KLHL1: variants seen among roughly 807,000 people sequenced by gnomAD.
KLHL1 encodes kelch like family member 1, also known as kelch-like protein 1.
Under a neutral mutation model 77.7 loss-of-function variants are expected in KLHL1, and 47 were observed. The observed-to-expected ratio is 0.60, with a 90% CI of 0.48 to 0.77. The LOEUF is 0.77. Ranked by LOEUF, KLHL1 falls within the 30% of genes least tolerant of loss-of-function variation. KLHL1 has a pLI of 0.00. For synonymous variants in KLHL1, 360 were observed against 325.2 expected (o/e 1.11, Z -1.15); for missense variants, 925 against 910.8 (o/e 1.02, Z -0.20).
intron 1 of KLHL1, among the ~76,000 whole-genome samples, chr13:69,977,219 G>A (rs1884569560): frequency 6.6e-6 from 1 of 152,016 alleles, no homozygotes; most frequent in African/African-American, 2.4e-5. Context: ...AACAGAAACA[G>A]TCTCCCAGTT....
At chr13:69,995,439 T>C (rs1243717620) in intron 1 of KLHL1, among the ~76,000 whole-genome samples, 2 of 152,118 alleles carry the variant, frequency 1.3e-5, no homozygotes, top group African/African-American at 2.4e-5. Context: ...GAAATCTGCA[T>C]TGAGTCATCA....
intron 5 of KLHL1, among the ~76,000 whole-genome samples, chr13:69,863,302 A>G (rs1880242586): frequency 1.3e-5 from 2 of 152,248 alleles, no homozygotes; most frequent in South Asian, 4.1e-4. Context: ...ATACTAGGAA[A>G]TGTTCTAAAC....
chr13:70,009,943 G>T (rs1885491758), intron 1 of KLHL1, among the ~76,000 whole-genome samples: 1 of 150,850 alleles, frequency 6.6e-6, no homozygotes, highest in Admixed American at 6.6e-5. Flanking sequence ...AGATACCATT[G>T]TATAATAAAG....
chr13:69,771,276 C>CAAA (rs59252203), intron 7 of KLHL1, among the ~76,000 whole-genome samples: 25,974 of 127,610 alleles, frequency 0.2, 2,888 homozygotes, highest in South Asian at 0.34. Flanking sequence ...TAGCAACTTT[C>CAAA]AAAAAAAAAA....
In KLHL1 at chr13:69,833,034, T is replaced by G. The variant is rs199500873; in HGVS notation, c.1414+5942A>C. ...GACTCAGAATAATTCTTCTGAACAT[T>G]GTCTTAGGCAAAGACTTTATGACCC... On this transcript the variant is annotated intron_variant, in intron 6 of 10. Transcript: ENST00000377844. 9.2e-5 allele frequency among the ~76,000 whole-genome samples: 14 copies of G among 152,246 alleles called. No homozygotes were observed. In the East Asian group the frequency reaches 2.7e-3, roughly 30 times the overall value.
intron 2 of KLHL1, among the ~76,000 whole-genome samples, chr13:69,974,929 C>A (rs921248158): frequency 6.6e-6 from 1 of 151,962 alleles, no homozygotes; most frequent in Non-Finnish European, 1.5e-5. Flanking sequence ...AGTTAGCTGA[C>A]AGATTGAACT....
chr13:70,065,267 CTT>C (rs900620831), intron 1 of KLHL1, among the ~76,000 whole-genome samples: 1 of 151,960 alleles, frequency 6.6e-6, no homozygotes, highest in Non-Finnish European at 1.5e-5. Flanking sequence ...ATTGACCATA[CTT>C]TTTTTTGCAG....
rs1267576368 is a variant in KLHL1, at chr13:69,939,970, T to C, written c.1014+70A>G. The C allele has an allele frequency of 5.7e-6, 7 of 1,231,336 alleles. No homozygotes were observed. In the African/African-American group the frequency reaches 9.3e-5, roughly 16 times the overall value. The allele number at this position is 1,231,336 out of a possible 1,614,324, so 76.3% of individuals were successfully genotyped here. A position where few individuals can be genotyped will look rare whatever the true frequency, so the allele number is the denominator to read the frequency against. ...AAACTTAAAAAACTTGCTAATGCCA[T>C]GACAGTAATTATTTTTACCTCTGAT... On this transcript the variant is annotated intron_variant, in intron 4 of 10. Transcript: ENST00000377844.
At chr13:70,032,931 A>G (rs1225077735) in intron 1 of KLHL1, among the ~76,000 whole-genome samples, 2 of 152,190 alleles carry the variant, frequency 1.3e-5, no homozygotes, top group Non-Finnish European at 2.9e-5. Context: ...AATTTACTTA[A>G]AAGTCAATTG....
At chr13:69,963,633 T>C (rs2137273995) in intron 2 of KLHL1, among the ~76,000 whole-genome samples, 1 of 152,286 alleles carries the variant, frequency 6.6e-6, no homozygotes, top group South Asian at 2.1e-4. Flanking sequence ...GCTAAATTTG[T>C]CTAGAGATCA....
At chr13:70,021,941 CT>C (rs911634943) in intron 1 of KLHL1, among the ~76,000 whole-genome samples, 32 of 152,038 alleles carry the variant, frequency 2.1e-4, no homozygotes, top group African/African-American at 7.7e-4. Context: ...CAGTCTGTGG[CT>C]TGTCTTTTCA....
At chr13:70,051,564 A>G (rs953531411) in intron 1 of KLHL1, among the ~76,000 whole-genome samples, 5 of 152,074 alleles carry the variant, frequency 3.3e-5, no homozygotes, top group Admixed American at 3.3e-4. Context: ...TTATGAATGA[A>G]ATTTAATTCA....
chr13:69,966,838 C>T (rs920755465), intron 2 of KLHL1, among the ~76,000 whole-genome samples: 1 of 152,100 alleles, frequency 6.6e-6, no homozygotes, highest in Non-Finnish European at 1.5e-5. Flanking sequence ...CTTTTAGCAA[C>T]TACTTATGAG....
chr13:69,995,797 C>T (rs188165957), intron 1 of KLHL1, among the ~76,000 whole-genome samples: 91 of 152,156 alleles, frequency 6.0e-4, no homozygotes, highest in Non-Finnish European at 1.0e-3. Context: ...GATGAATAGG[C>T]TAAACCTAGT....
chr13:69,755,121 G>A (rs7986537), intron 7 of KLHL1, among the ~76,000 whole-genome samples: 19,181 of 151,992 alleles, frequency 0.13, 1,417 homozygotes, highest in African/African-American at 0.15. Context: ...GGTCATGGGG[G>A]TGGATCCCTC....
chr13:69,780,727 TATATACATATATATATAC>T lies in KLHL1; in HGVS notation c.1639+15993_1639+16010del, dbSNP rs1566243993. Among the ~76,000 whole-genome samples, 22 of 55,490 alleles carry T rather than the reference TATATACATATATATATAC, an allele frequency of 4.0e-4. 1 individual carries two copies. The highest frequency in any genetic ancestry group is 7.0e-4 in the Non-Finnish European group (17 of 24,380). 36.4% of individuals were successfully genotyped at this position (55,490 alleles called of 152,430 possible). A position where few individuals can be genotyped will look rare whatever the true frequency, so the allele number is the denominator to read the frequency against. ...GTATATATATATATGTATATATATATATATACATATATATATACATATATATATATACACACACATTTA... is the reference window on the plus strand; with the variant it reads ...GTATATATATATATGTATATATATATATATATATATATACACACACATTTA... On this transcript the variant is annotated intron_variant, in intron 7 of 10. Transcript: ENST00000377844.
intron 7 of KLHL1, among the ~76,000 whole-genome samples, chr13:69,784,991 G>A (rs1048020925): frequency 1.2e-4 from 17 of 139,842 alleles, no homozygotes; most frequent in South Asian, 4.8e-4. Flanking sequence ...CCGGGTTCAC[G>A]CCATTCTCCT....
In KLHL1 at chr13:69,742,841, G is replaced by A. The variant is rs114204120; in HGVS notation, c.1640-2285C>T. On this transcript the variant is annotated intron_variant, in intron 7 of 10. Transcript: ENST00000377844. ...TCAAATCTTGTTCTTTCATTAGGTAGCTTGACATAGGAAATGGGGATTAGA... is the reference window on the plus strand; with the variant it reads ...TCAAATCTTGTTCTTTCATTAGGTAACTTGACATAGGAAATGGGGATTAGA... Among the ~76,000 whole-genome samples, 797 of 152,254 alleles carry A rather than the reference G, an allele frequency of 5.2e-3. 6 individuals carry two copies. The highest frequency in any genetic ancestry group is 0.018 in the African/African-American group (760 of 41,564).
chr13:69,864,845 T>C (rs1402425394), intron 5 of KLHL1, among the ~76,000 whole-genome samples: 2 of 152,144 alleles, frequency 1.3e-5, no homozygotes, highest in Non-Finnish European at 2.9e-5. Context: ...TTATCAATTC[T>C]AGAAAGGGTG....
Sources: allele counts gnomAD v4.1 joint callset (sites outside exome capture counted in the v4.1 genomes callset), GRCh38; gene constraint gnomAD v4.1.1; transcripts MANE v1.5; gene names NCBI Gene and HGNC (gene_info 2026-07-23, HGNC 2026-07-21).